KCNIP4: variants seen among roughly 807,000 people sequenced by gnomAD.
KCNIP4 encodes Kv channel-interacting protein 4.
KCNIP4 carries 12 observed loss-of-function variants against 34.0 expected under a neutral mutation model. The ratio of observed to expected loss-of-function variants is 0.35; its 90% CI spans 0.23 to 0.57. The LOEUF (loss-of-function observed/expected upper bound fraction) is 0.57, where lower values mean the gene tolerates loss of function less well. Among genes scored for constraint, KCNIP4 ranks in the 20% least tolerant of loss-of-function variants. KCNIP4 has a pLI of 0.83. For synonymous variants in KCNIP4, 124 were observed against 102.2 expected (o/e 1.21, Z -1.29); for missense variants, 238 against 311.7 (o/e 0.76, Z 1.78).
chr4:21,821,370 C>T (rs1028364729), intron 1 of KCNIP4, among the ~76,000 whole-genome samples: 3 of 152,110 alleles, frequency 2.0e-5, no homozygotes, highest in African/African-American at 7.2e-5. Context: ...TTTAAGGTCA[C>T]TGAATTTTTC....
intron 1 of KCNIP4, among the ~76,000 whole-genome samples, chr4:21,841,392 T>C (rs967395868): frequency 6.6e-6 from 1 of 152,202 alleles, no homozygotes; most frequent in African/African-American, 2.4e-5. Context: ...TATTCGTTTA[T>C]TTGACCAACC....
intron 1 of KCNIP4, among the ~76,000 whole-genome samples, chr4:21,238,349 T>C (rs1759534732): frequency 1.3e-5 from 2 of 152,122 alleles, no homozygotes; most frequent in African/African-American, 4.8e-5. Flanking sequence ...TCACCACTCC[T>C]ATTCAACATA....
In KCNIP4 at chr4:21,585,126, G is replaced by A. The variant is rs539534207; in HGVS notation, c.61+363445C>T. On this transcript the variant is annotated intron_variant, in intron 1 of 8. Transcript: ENST00000382152. The stretch of plus-strand genomic sequence containing the variant: ...CAGTAATCATTAATAAGTATAGAAT[G>A]TTCAGTGACCCCAGTGCTGGGGTAA... 6.6e-4 allele frequency among the ~76,000 whole-genome samples: 101 copies of A among 152,112 alleles called. 1 individual carries two copies. In the South Asian group the frequency reaches 0.02, roughly 31 times the overall value.
chr4:21,083,929 A>G (rs1053431164), intron 1 of KCNIP4, among the ~76,000 whole-genome samples: 15 of 151,824 alleles, frequency 9.9e-5, no homozygotes, highest in African/African-American at 3.2e-4. Context: ...TAGGAAACAC[A>G]GGGGCATTTT....
chr4:21,382,271 G>C (rs756408855), intron 1 of KCNIP4, among the ~76,000 whole-genome samples: 24 of 152,140 alleles, frequency 1.6e-4, no homozygotes, highest in Non-Finnish European at 3.1e-4. Flanking sequence ...GACATCACAG[G>C]CCATGTTAAA....
intron 1 of KCNIP4, among the ~76,000 whole-genome samples, chr4:21,295,945 A>T (rs749392765): frequency 6.6e-6 from 1 of 151,710 alleles, no homozygotes; most frequent in Non-Finnish European, 1.5e-5. Context: ...TGAATGAATG[A>T]ATGAAATCCA....
At chr4:20,990,412 A>T (rs549673473) in intron 1 of KCNIP4, among the ~76,000 whole-genome samples, 6 of 152,312 alleles carry the variant, frequency 3.9e-5, no homozygotes, top group African/African-American at 1.4e-4. Flanking sequence ...GATGTCCATT[A>T]AACTATTAAG....
At chr4:20,939,751 G>A (rs1056209621) in intron 1 of KCNIP4, among the ~76,000 whole-genome samples, 1 of 152,058 alleles carries the variant, frequency 6.6e-6, no homozygotes, top group Non-Finnish European at 1.5e-5. Context: ...TTCTTACCCA[G>A]TCACCCACAC....
At chr4:21,819,954 A>T (rs1174688029) in intron 1 of KCNIP4, among the ~76,000 whole-genome samples, 1 of 152,094 alleles carries the variant, frequency 6.6e-6, no homozygotes, top group East Asian at 1.9e-4. Context: ...AAAATACTGG[A>T]GCAATGCCCA....
At chr4:20,871,076 T>G (rs932208490) in intron 2 of KCNIP4, among the ~76,000 whole-genome samples, 2 of 152,174 alleles carry the variant, frequency 1.3e-5, no homozygotes, top group Admixed American at 1.3e-4. Context: ...GTTATCTTAT[T>G]ACCACTAATG....
At chr4:21,729,114 G>A (rs1314042511) in intron 1 of KCNIP4, among the ~76,000 whole-genome samples, 2 of 152,034 alleles carry the variant, frequency 1.3e-5, no homozygotes, top group African/African-American at 4.8e-5. Context: ...TTTGTGCTAA[G>A]TGCTTAAATC....
At chr4:21,294,168 T>C (rs1277208949) in intron 1 of KCNIP4, among the ~76,000 whole-genome samples, 3 of 152,218 alleles carry the variant, frequency 2.0e-5, no homozygotes, top group Non-Finnish European at 4.4e-5. Flanking sequence ...TGTTTGATAT[T>C]ATTAGCATCT....
intron 1 of KCNIP4, among the ~76,000 whole-genome samples, chr4:21,576,699 ACTTT>A (rs956505693): frequency 2.0e-5 from 3 of 152,120 alleles, no homozygotes; most frequent in African/African-American, 7.2e-5. Flanking sequence ...TTGATTTATT[ACTTT>A]CTTTAATATT....
chr4:21,269,646 C>T (rs1418638819), intron 1 of KCNIP4, among the ~76,000 whole-genome samples: 2 of 152,170 alleles, frequency 1.3e-5, no homozygotes, highest in African/African-American at 4.8e-5. Flanking sequence ...CCTCCCACCT[C>T]AGCCTCTTAA....
In KCNIP4 at chr4:20,981,523, A is replaced by C. The variant is rs77195619; in HGVS notation, c.62-98814T>G. On this transcript the variant is annotated intron_variant, in intron 1 of 8. Coordinates refer to ENST00000382152, the MANE Select transcript of KCNIP4 (RefSeq NM_025221.6). The stretch of plus-strand genomic sequence containing the variant: ...GTATAAAAGTATGTTGTAGTAGGAA[A>C]AGCACTGTGTAGGATTCAGTAGTCT... 8.6e-3 allele frequency among the ~76,000 whole-genome samples: 1,310 copies of C among 152,324 alleles called. 16 individuals carry two copies. Among genetic ancestry groups the C allele is most frequent in the African/African-American group, 0.03 (1,255 of 41,572 alleles).
At chr4:21,800,904 G>A (rs1720950146) in intron 1 of KCNIP4, among the ~76,000 whole-genome samples, 1 of 152,144 alleles carries the variant, frequency 6.6e-6, no homozygotes, top group African/African-American at 2.4e-5. Context: ...AAAGATTATG[G>A]TCATAACATT....
intron 1 of KCNIP4, among the ~76,000 whole-genome samples, chr4:21,028,216 G>C (rs1286055516): frequency 6.6e-6 from 1 of 151,862 alleles, no homozygotes; most frequent in African/African-American, 2.4e-5. Flanking sequence ...TCTTTCCTAG[G>C]CTGAATTTCT....
At chr4:21,239,717 G>A (rs1400449517) in intron 1 of KCNIP4, among the ~76,000 whole-genome samples, 1 of 152,138 alleles carries the variant, frequency 6.6e-6, no homozygotes, top group Non-Finnish European at 1.5e-5. Flanking sequence ...TAAAAAGTCA[G>A]GAAACAACAG....
chr4:20,883,841 G>A (rs902629297), intron 1 of KCNIP4, among the ~76,000 whole-genome samples: 3 of 152,166 alleles, frequency 2.0e-5, no homozygotes, highest in Non-Finnish European at 1.5e-5. Flanking sequence ...AAATGAAGTA[G>A]TAAATACACA....
Sources: allele counts gnomAD v4.1 joint callset (sites outside exome capture counted in the v4.1 genomes callset), GRCh38; gene constraint gnomAD v4.1.1; transcripts MANE v1.5; gene names NCBI Gene and HGNC (gene_info 2026-07-23, HGNC 2026-07-21).